MDGA2: variants seen among roughly 807,000 people sequenced by gnomAD.
The protein encoded by MDGA2 is MAM domain-containing glycosylphosphatidylinositol anchor protein 2.
A neutral mutation model predicts 117.8 loss-of-function variants in MDGA2; 40 were observed. The observed-to-expected ratio is 0.34, with a 90% confidence interval of 0.26 to 0.44. The LOEUF (loss-of-function observed/expected upper bound fraction) is 0.44, where lower values mean the gene tolerates loss of function less well. MDGA2 is among the 20% of genes least tolerant of loss of function. MDGA2 has a pLI of 1.00. For synonymous variants in MDGA2, 452 were observed against 439.0 expected, an observed-to-expected ratio of 1.03 and a Z score of -0.37; for missense variants, 1,123 against 1,250.6, an observed-to-expected ratio of 0.90 and a Z score of 1.54.
intron 2 of MDGA2, among the ~76,000 whole-genome samples, chr14:47,271,684 T>G (rs1475553882): frequency 1.3e-5 from 2 of 151,430 alleles, no homozygotes; most frequent in Non-Finnish European, 2.9e-5. Flanking sequence ...TTTTCTCCCT[T>G]TAGACATAAA....
intron 9 of MDGA2, among the ~76,000 whole-genome samples, chr14:46,944,501 G>A (rs1885104416): frequency 6.6e-6 from 1 of 151,756 alleles, no homozygotes; most frequent in African/African-American, 2.4e-5. Context: ...GGTTTGCTTC[G>A]TAAATTTGTG....
chr14:46,862,102 A>G (rs1242014760), intron 14 of MDGA2, among the ~76,000 whole-genome samples: 2 of 151,970 alleles, frequency 1.3e-5, no homozygotes, highest in Non-Finnish European at 2.9e-5. Flanking sequence ...TATAAATTTA[A>G]TCATCTCCAA....
intron 2 of MDGA2, among the ~76,000 whole-genome samples, chr14:47,259,065 A>C (rs1887712266): frequency 1.3e-5 from 2 of 152,034 alleles, no homozygotes; most frequent in East Asian, 3.9e-4. Context: ...AAAGCTATTC[A>C]CTGTTTTCTA....
At chr14:46,974,571 T>C (rs187124478) in intron 8 of MDGA2, among the ~76,000 whole-genome samples, 2 of 152,222 alleles carry the variant, frequency 1.3e-5, no homozygotes, top group East Asian at 3.9e-4. Context: ...GAAGTACCCC[T>C]TGCATATATG....
At chr14:46,984,049 A>T (rs1886778930) in intron 8 of MDGA2, among the ~76,000 whole-genome samples, 1 of 152,062 alleles carries the variant, frequency 6.6e-6, no homozygotes, top group Non-Finnish European at 1.5e-5. Flanking sequence ...TTGAATAAAG[A>T]TACGTCAAAT....
chr14:47,672,805 T>TC (rs1898099180), intron 1 of MDGA2, among the ~76,000 whole-genome samples: 1 of 152,148 alleles, frequency 6.6e-6, no homozygotes, highest in Admixed American at 6.6e-5. Context: ...ATCGCTAGAA[T>TC]CCCCGTTTTT....
intron 3 of MDGA2, among the ~76,000 whole-genome samples, chr14:47,152,780 G>C (rs1883211824): frequency 6.6e-6 from 1 of 152,018 alleles, no homozygotes; most frequent in Admixed American, 6.6e-5. Flanking sequence ...TTTCTGGAAA[G>C]AACAGTAAAG....
chr14:47,652,319 C>T (rs1238119220), intron 1 of MDGA2, among the ~76,000 whole-genome samples: 1 of 152,140 alleles, frequency 6.6e-6, no homozygotes, highest in Non-Finnish European at 1.5e-5. Context: ...CCATATTCCT[C>T]TCATCTATTA....
chr14:47,252,633 C>T (rs538885552), intron 2 of MDGA2, among the ~76,000 whole-genome samples: 1 of 152,220 alleles, frequency 6.6e-6, no homozygotes, highest in South Asian at 2.1e-4. Flanking sequence ...AACACAAGTG[C>T]TTACAGGAGC....
At chr14:47,004,348 T>A (rs185700820) in intron 8 of MDGA2, among the ~76,000 whole-genome samples, 1 of 152,028 alleles carries the variant, frequency 6.6e-6, no homozygotes, top group African/African-American at 2.4e-5. Flanking sequence ...CTTTCTCAGC[T>A]AAATTGCCTT....
intron 2 of MDGA2, among the ~76,000 whole-genome samples, chr14:47,272,367 TG>T (rs1267404510): frequency 6.6e-6 from 1 of 152,108 alleles, no homozygotes; most frequent in Non-Finnish European, 1.5e-5. Context: ...AAGCTATCTC[TG>T]ATACCAGTTA....
At chr14:47,350,816 T>C (rs1594811534) in intron 1 of MDGA2, among the ~76,000 whole-genome samples, 2 of 152,314 alleles carry the variant, frequency 1.3e-5, no homozygotes, top group South Asian at 4.1e-4. Flanking sequence ...AAAGTTTCAA[T>C]AAAAGACAAG....
At chr14:47,187,874 G>A (rs190330420) in intron 3 of MDGA2, among the ~76,000 whole-genome samples, 8 of 152,006 alleles carry the variant, frequency 5.3e-5, no homozygotes, top group East Asian at 1.9e-4. Context: ...AGGGTACATC[G>A]GGGATTTTAA....
At chr14:47,071,472 T>C (rs983622761) in intron 6 of MDGA2, among the ~76,000 whole-genome samples, 2 of 152,104 alleles carry the variant, frequency 1.3e-5, no homozygotes, top group Non-Finnish European at 2.9e-5. Flanking sequence ...TAATCTTTCC[T>C]TTTTGAAAAA....
chr14:46,896,187 A>C (rs555776925), intron 10 of MDGA2, among the ~76,000 whole-genome samples: 70 of 152,296 alleles, frequency 4.6e-4, no homozygotes, highest in Non-Finnish European at 8.1e-4. Flanking sequence ...GACTTTACAC[A>C]GTAGAGAATG....
intron 9 of MDGA2, among the ~76,000 whole-genome samples, chr14:46,926,740 G>A (rs934003896): frequency 3.9e-5 from 6 of 151,986 alleles, no homozygotes; most frequent in Non-Finnish European, 2.9e-5. Flanking sequence ...TTTTCTAAAT[G>A]TTTAATCAGG....
At chr14:47,095,631 C>T (rs962120) in intron 6 of MDGA2, among the ~76,000 whole-genome samples, 112,289 of 150,570 alleles carry the variant, frequency 0.75, 41,740 homozygotes, top group Admixed American at 0.8. Context: ...ACATGTTATA[C>T]ATGTACATAT....
At chr14:47,395,721 C>T (rs958378749) in intron 1 of MDGA2, among the ~76,000 whole-genome samples, 4 of 151,822 alleles carry the variant, frequency 2.6e-5, no homozygotes, top group Non-Finnish European at 4.4e-5. Flanking sequence ...AAAACATATA[C>T]ATTTAGTAGG....
intron 1 of MDGA2, among the ~76,000 whole-genome samples, chr14:47,587,229 T>C (rs1487431509): frequency 6.6e-6 from 1 of 151,638 alleles, no homozygotes; most frequent in African/African-American, 2.4e-5. Flanking sequence ...AAATAATCTG[T>C]ACAAAAACGA....
Sources: allele counts gnomAD v4.1 joint callset (sites outside exome capture counted in the v4.1 genomes callset), GRCh38; gene constraint gnomAD v4.1.1; transcripts MANE v1.5; gene names NCBI Gene and HGNC (gene_info 2026-07-23, HGNC 2026-07-21).